RIT2: variants seen among roughly 807,000 people sequenced by gnomAD.
RIT2 encodes GTP-binding protein Rit2.
A neutral mutation model predicts 23.7 loss-of-function variants in RIT2; 24 were observed. The ratio of observed to expected loss-of-function variants is 1.01; its 90% CI spans 0.73 to 1.43. The LOEUF (loss-of-function observed/expected upper bound fraction) is 1.43. Among genes scored for constraint, RIT2 ranks in the 40% most tolerant of loss-of-function variants. The probability of loss-of-function intolerance (pLI) is 0.00; values close to 1 mark genes in which losing one functional copy is unlikely to be tolerated. For synonymous variants in RIT2, 107 were observed against 91.1 expected (o/e 1.17, Z -0.99); for missense variants, 236 against 266.9 (o/e 0.88, Z 0.81).
intron 3 of RIT2, among the ~76,000 whole-genome samples, chr18:42,941,742 T>C (rs1311587817): frequency 6.6e-6 from 1 of 152,156 alleles, no homozygotes; most frequent in East Asian, 1.9e-4. Flanking sequence ...GATTTTACAG[T>C]GCTGTTGGTC....
chr18:42,858,160 G>A (rs933651737), intron 4 of RIT2, among the ~76,000 whole-genome samples: 9 of 152,186 alleles, frequency 5.9e-5, no homozygotes, highest in Non-Finnish European at 1.3e-4. Flanking sequence ...CAGCCAGAGC[G>A]AAAGAATGAG....
At chr18:42,870,643 T>C (rs1233657510) in intron 4 of RIT2, among the ~76,000 whole-genome samples, 3 of 152,064 alleles carry the variant, frequency 2.0e-5, no homozygotes, top group Admixed American at 6.5e-5. Flanking sequence ...GAAGATCCCA[T>C]ACATAGGGAA....
chr18:42,827,157 C>T (rs1009904076), intron 4 of RIT2, among the ~76,000 whole-genome samples: 11 of 151,978 alleles, frequency 7.2e-5, no homozygotes. Flanking sequence ...AGTATTTGTG[C>T]AAGAAAGAAC....
intron 1 of RIT2, among the ~76,000 whole-genome samples, chr18:43,073,620 C>T (rs890504319): frequency 4.6e-5 from 7 of 152,090 alleles, no homozygotes; most frequent in South Asian, 2.1e-4. Context: ...AACATGGATT[C>T]GCTTTTGCAG....
At chr18:42,949,473 C>T (rs1385142812) in intron 3 of RIT2, among the ~76,000 whole-genome samples, 5 of 152,026 alleles carry the variant, frequency 3.3e-5, no homozygotes, top group Admixed American at 2.0e-4. Context: ...AGATCAATAA[C>T]AGGGGTGATG....
intron 4 of RIT2, among the ~76,000 whole-genome samples, chr18:42,780,727 T>C (rs767677653): frequency 6.6e-6 from 1 of 152,056 alleles, no homozygotes; most frequent in Non-Finnish European, 1.5e-5. Flanking sequence ...TTAATGTTGA[T>C]GTTGGTCAGT....
chr18:42,795,540 T>C (rs8099760), intron 4 of RIT2, among the ~76,000 whole-genome samples: 49,831 of 152,128 alleles, frequency 0.33, 11,001 homozygotes, highest in African/African-American at 0.62. Flanking sequence ...CCTGTGCGCC[T>C]GAGCCTCCCG....
At chr18:43,084,270 C>G (rs112408236) in intron 1 of RIT2, among the ~76,000 whole-genome samples, 16,120 of 152,126 alleles carry the variant, frequency 0.11, 1,163 homozygotes, top group East Asian at 0.36. Context: ...AATAGAAACA[C>G]TTTTACACTG....
At chr18:43,081,414 T>A (rs987893129) in intron 1 of RIT2, among the ~76,000 whole-genome samples, 3 of 152,170 alleles carry the variant, frequency 2.0e-5, no homozygotes, top group Non-Finnish European at 4.4e-5. Context: ...TCAATCCATC[T>A]CAGTAAACTA....
intron 4 of RIT2, among the ~76,000 whole-genome samples, chr18:42,780,041 T>C (rs1913770062): frequency 1.4e-5 from 2 of 138,570 alleles, no homozygotes; most frequent in Non-Finnish European, 3.1e-5. Flanking sequence ...AAGTCTCAAT[T>C]TAGAGGTTTT....
intron 1 of RIT2, among the ~76,000 whole-genome samples, chr18:43,096,029 A>C (rs1913544377): frequency 6.6e-6 from 1 of 151,972 alleles, no homozygotes; most frequent in African/African-American, 2.4e-5. Context: ...TTAGAAGAAA[A>C]AAACACTTGT....
At chr18:42,932,958 T>G (rs780047265) in intron 3 of RIT2, among the ~76,000 whole-genome samples, 3 of 152,172 alleles carry the variant, frequency 2.0e-5, no homozygotes, top group Non-Finnish European at 4.4e-5. Context: ...TAATTATATC[T>G]TTCTTATTTT....
intron 1 of RIT2, among the ~76,000 whole-genome samples, chr18:43,112,387 A>G (rs528092984): frequency 1.3e-5 from 2 of 152,296 alleles, no homozygotes; most frequent in South Asian, 2.1e-4. Flanking sequence ...CTGCCATGCA[A>G]TGGGGGCTTC....
intron 2 of RIT2, among the ~76,000 whole-genome samples, chr18:43,027,864 C>A (rs1911769124): frequency 6.6e-6 from 1 of 151,886 alleles, no homozygotes; most frequent in South Asian, 2.1e-4. Context: ...AATGAGAGAG[C>A]CAAGAGGTCT....
chr18:42,771,992 A>G (rs1389679309), intron 4 of RIT2, among the ~76,000 whole-genome samples: 1 of 152,154 alleles, frequency 6.6e-6, no homozygotes, highest in South Asian at 2.1e-4. Context: ...AGGGTCATTG[A>G]ATAGTGATAG....
intron 1 of RIT2, among the ~76,000 whole-genome samples, chr18:43,077,238 G>A (rs1211450966): frequency 6.6e-6 from 1 of 152,138 alleles, no homozygotes; most frequent in Non-Finnish European, 1.5e-5. Flanking sequence ...ATGTGCCTGA[G>A]TGTTTTCTAT....
chr18:43,110,905 A>G (rs950681718), intron 1 of RIT2, among the ~76,000 whole-genome samples: 5 of 152,188 alleles, frequency 3.3e-5, no homozygotes, highest in Non-Finnish European at 4.4e-5. Flanking sequence ...ACACATAGAT[A>G]GTAAAATATT....
chr18:42,972,498 G>A (rs537773698), intron 3 of RIT2, among the ~76,000 whole-genome samples: 1 of 151,552 alleles, frequency 6.6e-6, no homozygotes, highest in South Asian at 2.1e-4. Context: ...TAAGTACAAA[G>A]GGAAATAATA....
intron 4 of RIT2, among the ~76,000 whole-genome samples, chr18:42,801,994 C>T (rs7233351): frequency 0.073 from 11,091 of 152,152 alleles, 1,300 homozygotes; most frequent in African/African-American, 0.25. Flanking sequence ...ACCACACTAA[C>T]AGCCCTATTT....
Sources: gnomAD v4.1 joint callset for allele counts (sites outside exome capture counted in the v4.1 genomes callset) on GRCh38, gnomAD v4.1.1 for gene constraint, MANE v1.5 for transcripts, NCBI Gene and HGNC (gene_info 2026-07-23, HGNC 2026-07-21) for gene names.